RYR2: variants seen among roughly 807,000 people sequenced by gnomAD.
RYR2 encodes ryanodine receptor 2.
A neutral mutation model predicts 601.1 loss-of-function variants in RYR2; 227 were observed. The ratio of observed to expected loss-of-function variants is 0.38; its 90% CI spans 0.34 to 0.42. RYR2 has a LOEUF of 0.42. RYR2 is among the 10% of genes least tolerant of loss of function. RYR2 has a pLI of 1.00. For synonymous variants in RYR2, 2,223 were observed against 2,175.1 expected (o/e 1.02, Z -0.61); for missense variants, 4,646 against 6,156.5 (o/e 0.75, Z 8.21).
In RYR2 at chr1:237,610,726, C is replaced by T. The variant is rs1194821989; in HGVS notation, c.4684-36C>T. 1 of 1,513,268 alleles carries T rather than the reference C, an allele frequency of 6.6e-7. No individual in the cohort carries two copies. 93.7% of individuals were successfully genotyped at this position (1,513,268 alleles called of 1,614,324 possible). A position where few individuals can be genotyped will look rare whatever the true frequency, so the allele number is the denominator to read the frequency against. On this transcript the variant is annotated intron_variant, in intron 35 of 104. Transcript: ENST00000366574. The surrounding 1 kb of genome is among the most constrained non-coding windows in gnomAD (Gnocchi z 4.9). ...TACTTTGTGAACCCCAAGGGATGTTCTACATTTATTCTTTTTCTGCCTCCC... is the reference window on the plus strand; with the variant it reads ...TACTTTGTGAACCCCAAGGGATGTTTTACATTTATTCTTTTTCTGCCTCCC...
intron 36 of RYR2, among the ~76,000 whole-genome samples, chr1:237,612,438 T>A (rs889239874): frequency 6.6e-6 from 1 of 152,172 alleles, no homozygotes; most frequent in African/African-American, 2.4e-5. Flanking sequence ...AAATTACAGT[T>A]CAACAAAGAT....
At chr1:237,404,809 T>A (rs1177906673) in intron 10 of RYR2, among the ~76,000 whole-genome samples, 1 of 152,226 alleles carries the variant, frequency 6.6e-6, no homozygotes, top group Non-Finnish European at 1.5e-5. Context: ...TCTGCCATGA[T>A]TGATGAAGTG....
At chr1:237,270,982 T>C (rs933797484) in intron 2 of RYR2, among the ~76,000 whole-genome samples, 2 of 152,208 alleles carry the variant, frequency 1.3e-5, no homozygotes, top group African/African-American at 4.8e-5. Context: ...TTTTATAAGA[T>C]AGACTTTCAA....
At chr1:237,463,192 T>G (rs1659679496) in intron 16 of RYR2, among the ~76,000 whole-genome samples, 1 of 152,198 alleles carries the variant, frequency 6.6e-6, no homozygotes, top group Non-Finnish European at 1.5e-5. Flanking sequence ...CCCCTCATTT[T>G]TCTGTGCTGC....
intron 1 of RYR2, among the ~76,000 whole-genome samples, chr1:237,098,974 T>C (rs1667783286): frequency 6.6e-6 from 1 of 152,220 alleles, no homozygotes; most frequent in Non-Finnish European, 1.5e-5. Flanking sequence ...GCATATGATG[T>C]GCACAAGTAC....
At chr1:237,044,956 C>CT (rs4006366) in intron 1 of RYR2, among the ~76,000 whole-genome samples, 13,655 of 144,546 alleles carry the variant, frequency 0.094, 678 homozygotes, top group East Asian at 0.2. Flanking sequence ...TCTTCTTCTT[C>CT]TTTTTTTTTT....
intron 58 of RYR2, among the ~76,000 whole-genome samples, 173 bp downstream of exon 58, chr1:237,668,131 A>G (rs2148879305): frequency 6.6e-6 from 1 of 152,300 alleles, no homozygotes; most frequent in African/African-American, 2.4e-5. Flanking sequence ...AGTGGCTAGT[A>G]TATATTTTCT....
At chr1:237,515,152 C>A (rs1330149184) in intron 24 of RYR2, among the ~76,000 whole-genome samples, 4 of 152,156 alleles carry the variant, frequency 2.6e-5, no homozygotes, top group African/African-American at 9.7e-5. Flanking sequence ...GTGACACTCT[C>A]AGAACAGCAC....
chr1:237,122,897 A>G (rs1274667832), intron 1 of RYR2, among the ~76,000 whole-genome samples: 1 of 152,156 alleles, frequency 6.6e-6, no homozygotes, highest in Non-Finnish European at 1.5e-5. Flanking sequence ...AGAAAAATTT[A>G]TTTAATTAAA....
chr1:237,154,540 T>C (rs1572033876), intron 1 of RYR2, among the ~76,000 whole-genome samples: 1 of 152,130 alleles, frequency 6.6e-6, no homozygotes, highest in Admixed American at 6.5e-5. Flanking sequence ...TTCAGGCAGG[T>C]GCAGTGGTGT....
At chr1:237,646,037 C>T (rs142495626) in intron 48 of RYR2, among the ~76,000 whole-genome samples, 8,181 of 151,970 alleles carry the variant, frequency 0.054, 687 homozygotes, top group African/African-American at 0.18. Context: ...CCACTATGCC[C>T]GGCTAATTCT....
At chr1:237,457,171 T>G (rs931112409) in intron 16 of RYR2, among the ~76,000 whole-genome samples, 1 of 152,240 alleles carries the variant, frequency 6.6e-6, no homozygotes, top group African/African-American at 2.4e-5. Flanking sequence ...GTTAAATATT[T>G]CCTTTTTGCT....
At chr1:237,395,108 G>A (rs979720273) in intron 10 of RYR2, among the ~76,000 whole-genome samples, 3 of 152,188 alleles carry the variant, frequency 2.0e-5, no homozygotes, top group African/African-American at 7.2e-5. Flanking sequence ...GATTCAATGT[G>A]AGGTTTGGGC....
At chr1:237,662,287 C>T (rs1683876903) in intron 56 of RYR2, among the ~76,000 whole-genome samples, 1 of 151,680 alleles carries the variant, frequency 6.6e-6, no homozygotes, top group African/African-American at 2.4e-5. Flanking sequence ...AGTAGATTAG[C>T]TTTTATTTTA....
chr1:237,787,727 A>G (rs1381442876), intron 91 of RYR2, among the ~76,000 whole-genome samples: 1 of 151,942 alleles, frequency 6.6e-6, no homozygotes, highest in Non-Finnish European at 1.5e-5. Context: ...GGAATCTGCT[A>G]TGCATAAAGA....
intron 25 of RYR2, among the ~76,000 whole-genome samples, chr1:237,546,165 C>A (rs1669782518): frequency 6.6e-6 from 1 of 151,920 alleles, no homozygotes; most frequent in South Asian, 2.1e-4. Context: ...TATTAAAAAA[C>A]AAAAGCTACA....
chr1:237,643,540 C>A (rs1380603110), intron 48 of RYR2, 93 bp downstream of exon 48: 11 of 1,419,250 alleles, frequency 7.8e-6, no homozygotes, highest in Non-Finnish European at 1.1e-5. Context: ...CCCAACCTCT[C>A]CACTTCCTAA....
chr1:237,664,423 A>C (rs1182770494), intron 56 of RYR2, among the ~76,000 whole-genome samples: 1 of 152,356 alleles, frequency 6.6e-6, no homozygotes, highest in Middle Eastern at 3.4e-3. Context: ...GCAAATTTCA[A>C]AAGAAAGAGG....
At chr1:237,570,338 A>T (rs917711017) in intron 29 of RYR2, among the ~76,000 whole-genome samples, 8 of 143,018 alleles carry the variant, frequency 5.6e-5, no homozygotes, top group African/African-American at 2.1e-4. Flanking sequence ...GTTAGTTTGA[A>T]TTTTTTTTTT....
Sources: allele counts gnomAD v4.1 joint callset (sites outside exome capture counted in the v4.1 genomes callset), GRCh38; gene constraint gnomAD v4.1.1; non-coding constraint Gnocchi (gnomAD v3.1); transcripts MANE v1.5; gene names NCBI Gene and HGNC (gene_info 2026-07-23, HGNC 2026-07-21).